Variants in GABRB2 observed in about 807,000 individuals in gnomAD.
The protein encoded by GABRB2 is gamma-aminobutyric acid type A receptor subunit beta2.
Under a neutral mutation model 54.7 loss-of-function variants are expected in GABRB2, and 16 were observed. That is an observed-to-expected ratio of 0.29 (90% CI 0.20 to 0.44). The LOEUF (loss-of-function observed/expected upper bound fraction) is 0.44, where lower values mean the gene tolerates loss of function less well. Among genes scored for constraint, GABRB2 ranks in the 20% least tolerant of loss-of-function variants. The pLI, the probability that GABRB2 is intolerant of heterozygous loss-of-function variation, is 1.00. For synonymous variants in GABRB2, 244 were observed against 233.8 expected (o/e 1.04, Z -0.40); for missense variants, 355 against 644.0 (o/e 0.55, Z 4.86).
chr5:161,471,029 G>T (rs993258575), intron 3 of GABRB2, among the ~76,000 whole-genome samples: 8 of 151,824 alleles, frequency 5.3e-5, no homozygotes, highest in Non-Finnish European at 1.2e-4. Flanking sequence ...CAAGAAATTT[G>T]TTCTCTCCAC....
At chr5:161,515,032 T>A (rs1759895058) in intron 3 of GABRB2, among the ~76,000 whole-genome samples, 1 of 152,148 alleles carries the variant, frequency 6.6e-6, no homozygotes, top group Non-Finnish European at 1.5e-5. Flanking sequence ...TGCATAATAA[T>A]GTATGATAAA....
intron 5 of GABRB2, among the ~76,000 whole-genome samples, chr5:161,358,059 G>T (rs1754692629): frequency 6.6e-6 from 1 of 152,126 alleles, no homozygotes; most frequent in East Asian, 1.9e-4. Flanking sequence ...AGATTAAGAA[G>T]AAGACCAAGA....
At chr5:161,310,533 C>T (rs535064727) in intron 9 of GABRB2, among the ~76,000 whole-genome samples, 99 of 152,190 alleles carry the variant, frequency 6.5e-4, no homozygotes, top group African/African-American at 2.3e-3. Flanking sequence ...TTTTCATAGG[C>T]CAGATACATT....
chr5:161,324,857 T>A (rs1380757949), intron 9 of GABRB2, among the ~76,000 whole-genome samples: 1 of 152,130 alleles, frequency 6.6e-6, no homozygotes, highest in Non-Finnish European at 1.5e-5. Context: ...ATTGAACATT[T>A]TTGTTAATAT....
chr5:161,430,099 T>C (rs1757134430), intron 4 of GABRB2, among the ~76,000 whole-genome samples: 1 of 152,164 alleles, frequency 6.6e-6, no homozygotes, highest in Non-Finnish European at 1.5e-5. Flanking sequence ...ATCTGGAATT[T>C]GTAATGTGGT....
chr5:161,503,195 T>G (rs966890787), intron 3 of GABRB2, among the ~76,000 whole-genome samples: 2 of 151,994 alleles, frequency 1.3e-5, no homozygotes, highest in African/African-American at 2.4e-5. Context: ...TTTATACATA[T>G]TTTTATGTAT....
chr5:161,324,240 G>T (rs2113385833), intron 9 of GABRB2, among the ~76,000 whole-genome samples: 1 of 152,234 alleles, frequency 6.6e-6, no homozygotes, highest in East Asian at 1.9e-4. Flanking sequence ...AAAAGGCAAT[G>T]TTGATAATGA....
chr5:161,377,928 A>G (rs1225167350), intron 5 of GABRB2, among the ~76,000 whole-genome samples: 1 of 152,034 alleles, frequency 6.6e-6, no homozygotes, highest in African/African-American at 2.4e-5. Flanking sequence ...ATTTGTATGT[A>G]TTTTTATTAC....
At chr5:161,411,302 G>T (rs1039789241) in intron 4 of GABRB2, among the ~76,000 whole-genome samples, 1 of 152,142 alleles carries the variant, frequency 6.6e-6, no homozygotes, top group Non-Finnish European at 1.5e-5. Context: ...ATCTGAGAGG[G>T]TTTCTTCAAA....
intron 3 of GABRB2, among the ~76,000 whole-genome samples, chr5:161,525,291 A>G (rs911665602): frequency 6.6e-6 from 1 of 151,412 alleles, no homozygotes; most frequent in Non-Finnish European, 1.5e-5. Flanking sequence ...ATGATCATCA[A>G]GATCATTGTT....
chr5:161,425,907 A>G (rs1756985257), intron 4 of GABRB2, among the ~76,000 whole-genome samples: 1 of 152,172 alleles, frequency 6.6e-6, no homozygotes, highest in African/African-American at 2.4e-5. Context: ...AATTGCTTGT[A>G]GAATATAAAT....
intron 4 of GABRB2, among the ~76,000 whole-genome samples, chr5:161,418,460 A>T (rs567018325): frequency 2.1e-4 from 32 of 152,214 alleles, no homozygotes; most frequent in African/African-American, 7.7e-4. Context: ...TGAAATCTGG[A>T]CTCCTATCTC....
intron 3 of GABRB2, among the ~76,000 whole-genome samples, chr5:161,465,251 A>G (rs1233556897): frequency 6.6e-6 from 1 of 151,926 alleles, no homozygotes; most frequent in East Asian, 1.9e-4. Context: ...TGACATCTGG[A>G]GGGAAAAAAA....
In GABRB2 at chr5:161,292,910, G is replaced by C. The variant is rs1211036232; in HGVS notation, c.*1171C>G. On this transcript the variant is annotated 3_prime_UTR_variant, in exon 10 of 10. Coordinates refer to ENST00000393959, the MANE Select transcript of GABRB2 (RefSeq NM_001371727.1). ...TCAGAATTTTGGAAGCAAAAAAAAA[G>C]CTGGAGAGGACCATGAATCCTTTAA... 6.6e-6 allele frequency: 1 copy of C among 152,096 alleles called. No homozygotes were observed. The highest frequency in any genetic ancestry group is 2.4e-5 in the African/African-American group (1 of 41,440). The allele number at this position is 152,096 out of a possible 1,614,324, so 9.4% of individuals were successfully genotyped here.
rs116381796 is a variant in GABRB2, at chr5:161,312,009, A to G, written c.1191+14359T>C. Among the ~76,000 whole-genome samples, 389 of 145,942 alleles carry G rather than the reference A, an allele frequency of 2.7e-3. 3 individuals carry two copies. The highest frequency in any genetic ancestry group is 0.01 in the African/African-American group (377 of 37,516). The stretch of plus-strand genomic sequence containing the variant: ...TTGGTAAAGGGTAGAAGAGTTAATC[A>G]GTAATGTTTTGTGTGTGTGTGTGTG... On this transcript the variant is annotated intron_variant, in intron 9 of 9. Transcript: ENST00000393959.
At chr5:161,468,451 C>G (rs889927412) in intron 3 of GABRB2, among the ~76,000 whole-genome samples, 1 of 151,978 alleles carries the variant, frequency 6.6e-6, no homozygotes, top group Non-Finnish European at 1.5e-5. Flanking sequence ...GGCTATGTCC[C>G]CAAGCATGGT....
chr5:161,546,104 A>T (rs1760979178), intron 2 of GABRB2, among the ~76,000 whole-genome samples: 2 of 152,262 alleles, frequency 1.3e-5, no homozygotes. Context: ...CAGTCACCAA[A>T]TTTGAGTACA....
At chr5:161,545,580 CA>C (rs1760957928) in intron 2 of GABRB2, among the ~76,000 whole-genome samples, 1 of 152,126 alleles carries the variant, frequency 6.6e-6, no homozygotes, top group Non-Finnish European at 1.5e-5. Flanking sequence ...ACACAACTCA[CA>C]GAAGCACAAG....
chr5:161,448,389 G>A (rs1757696081), intron 4 of GABRB2, among the ~76,000 whole-genome samples: 1 of 152,076 alleles, frequency 6.6e-6, no homozygotes, highest in Admixed American at 6.6e-5. Flanking sequence ...CACCAGACTG[G>A]GAGGACAGAG....
Sources: gnomAD v4.1 joint callset for allele counts (sites outside exome capture counted in the v4.1 genomes callset) on GRCh38, gnomAD v4.1.1 for gene constraint, MANE v1.5 for transcripts, NCBI Gene and HGNC (gene_info 2026-07-23, HGNC 2026-07-21) for gene names.